MYO10: variants seen among roughly 807,000 people sequenced by gnomAD.
The protein encoded by MYO10 is myosin X.
A neutral mutation model predicts 257.3 loss-of-function variants in MYO10; 133 were observed. That is an observed-to-expected ratio of 0.52 (90% CI 0.45 to 0.60). The LOEUF is 0.60. Among genes scored for constraint, MYO10 ranks in the 20% least tolerant of loss-of-function variants. The pLI is 0.00. For missense variants in MYO10, 2,399 were observed against 2,635.7 expected, an observed-to-expected ratio of 0.91 and a Z score of 1.97; for synonymous variants, 1,104 against 1,028.6, an observed-to-expected ratio of 1.07 and a Z score of -1.40.
Position 16,710,977 on chromosome 5 carries a change from T to C in MYO10, c.2100A>G (p.Arg700=). 1 of 1,613,886 alleles carries C rather than the reference T, an allele frequency of 6.2e-7. No homozygotes were observed. The highest frequency in any genetic ancestry group is 1.7e-5 in the Admixed American group (1 of 60,014). The part of the protein sequence containing the change: ...MRNLALPEDV[R]GKCTSLLQLY... ...GCTGCAGCAGGCTCGTGCACTTCCC[T>C]CGGACGTCCTCAGGCAGAGCCAGAT... The change falls in exon 21 of 41, where the codon CGA becomes CGG. Residue 700 remains arginine, a synonymous_variant. Coordinates refer to ENST00000513610, the MANE Select transcript of MYO10 (RefSeq NM_012334.3).
intron 24 of MYO10, 122 bp downstream of exon 24, chr5:16,702,421 C>T (rs1738123192): frequency 2.1e-6 from 2 of 941,630 alleles, no homozygotes; most frequent in African/African-American, 3.4e-5. Flanking sequence ...TAAACACATC[C>T]TCTTAAATTG....
At chr5:16,845,527 C>T (rs943479467) in intron 2 of MYO10, among the ~76,000 whole-genome samples, 1 of 152,000 alleles carries the variant, frequency 6.6e-6, no homozygotes, top group Admixed American at 6.6e-5. Flanking sequence ...ACTTAGCCGG[C>T]GTAATGGTCC....
chr5:16,857,428 G>C (rs1442148723), intron 2 of MYO10, among the ~76,000 whole-genome samples: 1 of 152,192 alleles, frequency 6.6e-6, no homozygotes, highest in Non-Finnish European at 1.5e-5. Context: ...TTTATTTAGA[G>C]CATGGATTTC....
intron 40 of MYO10, 59 bp downstream of exon 40, chr5:16,668,218 C>A (rs769625256): frequency 9.8e-5 from 147 of 1,500,646 alleles, no homozygotes; most frequent in Non-Finnish European, 1.3e-4. Context: ...GAAATGGGGT[C>A]CTGTTTTTCT....
intron 1 of MYO10, among the ~76,000 whole-genome samples, chr5:16,882,443 C>A (rs1026101880): frequency 6.6e-6 from 1 of 151,658 alleles, no homozygotes; most frequent in African/African-American, 2.4e-5. Flanking sequence ...TTTTTTAAGT[C>A]TTGTGTGCAA....
At chr5:16,920,846 G>A (rs947800546) in intron 1 of MYO10, among the ~76,000 whole-genome samples, 2 of 152,092 alleles carry the variant, frequency 1.3e-5, no homozygotes, top group Non-Finnish European at 2.9e-5. Context: ...GGCCGGGTGC[G>A]GTGGCTCACG....
chr5:16,902,176 G>C, intron 1 of MYO10: 1 of 607,422 alleles, frequency 1.6e-6, no homozygotes, highest in South Asian at 2.0e-5. Flanking sequence ...CTCCCAAGTA[G>C]TTGGGATTAC....
At chr5:16,695,835 C>T (rs549900647) in intron 26 of MYO10, among the ~76,000 whole-genome samples, 1 of 152,334 alleles carries the variant, frequency 6.6e-6, no homozygotes, top group African/African-American at 2.4e-5. Context: ...AGTGCACTTG[C>T]TTCACTGAAC....
intron 1 of MYO10, among the ~76,000 whole-genome samples, chr5:16,915,066 G>C (rs1745776182): frequency 6.6e-6 from 1 of 152,168 alleles, no homozygotes; most frequent in African/African-American, 2.4e-5. Flanking sequence ...TTACATCTTG[G>C]GGTGAAGATT....
Position 16,702,576 on chromosome 5 carries a change from T to C in MYO10, c.2523A>G (p.Arg841=), listed in dbSNP as rs764851939. The C allele has an allele frequency of 5.1e-6, 8 of 1,582,682 alleles. No individual in the cohort carries two copies. The Admixed American group carries it at 7.3e-5, about 14-fold the overall frequency. ...KREEEERERE[R]ERREAELRAQ... is the part of the protein sequence containing the mutation. ...CGCGGAGCTCGGCTTCTCTTCGCTC[T>C]CTCTCTCTTTCTCTAAAAATAGTAA... The change falls in exon 24 of 41, where the codon AGA becomes AGG. Residue 841 remains arginine (R), a synonymous_variant. Coordinates refer to ENST00000513610, the MANE Select transcript of MYO10 (RefSeq NM_012334.3).
intron 4 of MYO10, among the ~76,000 whole-genome samples, chr5:16,783,785 G>C (rs1439789717): frequency 6.6e-6 from 1 of 152,210 alleles, no homozygotes; most frequent in African/African-American, 2.4e-5. Context: ...TCTTCATTTT[G>C]TTCACTAGTT....
chr5:16,727,877 A>C (rs1329225032), intron 19 of MYO10, among the ~76,000 whole-genome samples: 71 of 74,016 alleles, frequency 9.6e-4, no homozygotes, highest in Middle Eastern at 0.012. Context: ...CCCCAGCCCA[A>C]AAAAAAAAAA....
intron 1 of MYO10, among the ~76,000 whole-genome samples, chr5:16,918,503 T>TTC (rs1193430826): frequency 9.2e-5 from 12 of 130,632 alleles, no homozygotes; most frequent in Non-Finnish European, 1.5e-4. Context: ...TTCTTTTCTT[T>TTC]TTTTTTTTTT....
At chr5:16,805,437 C>T (rs1270452468) in intron 3 of MYO10, among the ~76,000 whole-genome samples, 1 of 113,150 alleles carries the variant, frequency 8.8e-6, no homozygotes, top group East Asian at 2.8e-4. Context: ...CTAGCCCGGG[C>T]AACACAGTGA....
At chr5:16,747,950 A>G (rs1214937534) in intron 19 of MYO10, among the ~76,000 whole-genome samples, 1 of 150,470 alleles carries the variant, frequency 6.6e-6, no homozygotes. Flanking sequence ...AAAAAAAGAA[A>G]AAAAAAAAGA....
In MYO10 at chr5:16,663,325, G is replaced by GTTTTTTTTTTTTTT. The variant is rs1561158360; in HGVS notation, c.*3366_*3367insAAAAAAAAAAAAAA. ...GGAAAAAAGTAACATTTTACTTCTA[G>GTTTTTTTTTTTTTT]TTGTTTTTTTTTTTTTTTTTTTTTT... is the stretch of plus-strand genomic sequence containing the variant. On this transcript the variant is annotated 3_prime_UTR_variant, in exon 41 of 41. Transcript: ENST00000513610. The GTTTTTTTTTTTTTT allele has an allele frequency of 2.4e-5, 1 of 41,304 alleles. No individual in the cohort carries two copies. The highest frequency in any genetic ancestry group is 1.3e-4 in the African/African-American group (1 of 7,416). The allele number at this position is 41,304 out of a possible 1,614,324, so 2.6% of individuals were successfully genotyped here.
intron 3 of MYO10, among the ~76,000 whole-genome samples, chr5:16,805,581 C>T (rs944248364): frequency 2.0e-5 from 3 of 151,994 alleles, no homozygotes; most frequent in Admixed American, 2.0e-4. Flanking sequence ...GCTCCACAAA[C>T]GGCCATGATG....
chr5:16,788,608 T>C lies in MYO10; in HGVS notation c.468-5139A>G, dbSNP rs1483351984. ...CTCAGTGATGACACCTAAGGGGCACTGGGACTTAAGTCTGGGACTCAAATG... is the reference window on the plus strand; with the variant it reads ...CTCAGTGATGACACCTAAGGGGCACCGGGACTTAAGTCTGGGACTCAAATG... On this transcript the variant is annotated intron_variant, in intron 4 of 40. Coordinates refer to ENST00000513610, the MANE Select transcript of MYO10 (RefSeq NM_012334.3). Among the ~76,000 whole-genome samples the C allele has an allele frequency of 5.3e-5, 8 of 152,112 alleles. 1 individual carries two copies. In the South Asian group the frequency reaches 1.5e-3, roughly 28 times the overall value.
At chr5:16,878,515 T>C (rs1046765072) in intron 1 of MYO10, among the ~76,000 whole-genome samples, 4 of 152,246 alleles carry the variant, frequency 2.6e-5, no homozygotes, top group African/African-American at 9.6e-5. Flanking sequence ...AAATATCATA[T>C]TGAGCTTTTT....
Sources: allele counts gnomAD v4.1 joint callset (sites outside exome capture counted in the v4.1 genomes callset), GRCh38; gene constraint gnomAD v4.1.1; transcripts MANE v1.5; gene names NCBI Gene and HGNC (gene_info 2026-07-23, HGNC 2026-07-21).